Variants in KCNIP1 observed in about 807,000 individuals in gnomAD.
The protein encoded by KCNIP1 is A-type potassium channel modulatory protein KCNIP1.
KCNIP1 carries 18 observed loss-of-function variants against 33.0 expected under a neutral mutation model. That is an observed-to-expected ratio of 0.55 (90% CI 0.38 to 0.81). The LOEUF is 0.81. KCNIP1 is among the 30% of genes least tolerant of loss of function. The pLI, the probability that KCNIP1 is intolerant of heterozygous loss-of-function variation, is 0.00. For synonymous variants in KCNIP1, 93 were observed against 98.3 expected (o/e 0.95, Z 0.32); for missense variants, 238 against 271.6 (o/e 0.88, Z 0.87).
intron 1 of KCNIP1, among the ~76,000 whole-genome samples, chr5:170,548,883 G>A (rs189258993): frequency 5.3e-5 from 8 of 152,224 alleles, no homozygotes; most frequent in African/African-American, 9.6e-5. Flanking sequence ...CCCTGCTTTC[G>A]GAGTCACTGA....
chr5:170,705,057 A>T (rs1763213010), intron 1 of KCNIP1, among the ~76,000 whole-genome samples: 2 of 152,236 alleles, frequency 1.3e-5, no homozygotes, highest in South Asian at 2.1e-4. Flanking sequence ...ATAATGTCTG[A>T]TTTGCTTCTA....
At chr5:170,412,906 C>A (rs1050747969) in intron 1 of KCNIP1, among the ~76,000 whole-genome samples, 2 of 152,154 alleles carry the variant, frequency 1.3e-5, no homozygotes, top group Non-Finnish European at 2.9e-5. Context: ...CACACACCTG[C>A]CGCCCCAGGC....
chr5:170,672,971 A>C (rs886911912), intron 1 of KCNIP1, among the ~76,000 whole-genome samples: 10 of 152,232 alleles, frequency 6.6e-5, no homozygotes, highest in Non-Finnish European at 2.9e-5. Context: ...AATCTATAGA[A>C]TCACCATTTT....
At chr5:170,417,038 TTTAG>T (rs758750784) in intron 1 of KCNIP1, among the ~76,000 whole-genome samples, 28 of 152,352 alleles carry the variant, frequency 1.8e-4, no homozygotes, top group Non-Finnish European at 2.6e-4. Flanking sequence ...GGTATAAATA[TTTAG>T]TTAGAAGGAT....
rs540380568 is a variant in KCNIP1 at position 170,684,414 on chromosome 5, A to T, written c.62-34344A>T. 2.0e-5 allele frequency among the ~76,000 whole-genome samples: 3 copies of T among 152,302 alleles called. No individual in the cohort carries two copies. In the South Asian group the frequency reaches 6.2e-4, roughly 32 times the overall value. The stretch of plus-strand genomic sequence containing the variant: ...GCCTCTTCCAGCTTTTGGTAGCTCC[A>T]GTGTTCTTTGGCTTGTGGCAGCATC... On this transcript the variant is annotated intron_variant, in intron 1 of 7. Coordinates refer to ENST00000328939, the MANE Select transcript of KCNIP1 (RefSeq NM_014592.4).
At chr5:170,518,150 A>T (rs1038218061) in intron 1 of KCNIP1, among the ~76,000 whole-genome samples, 4 of 151,474 alleles carry the variant, frequency 2.6e-5, no homozygotes, top group African/African-American at 4.9e-5. Context: ...AGTAGGGCTG[A>T]TGGTGGTGAC....
chr5:170,415,639 C>G (rs1581170809), intron 1 of KCNIP1, among the ~76,000 whole-genome samples: 1 of 152,324 alleles, frequency 6.6e-6, no homozygotes, highest in Admixed American at 6.5e-5. Context: ...TCCTATCAAC[C>G]CTCCAGGCTC....
chr5:170,630,855 CTG>C (rs1760028043), intron 1 of KCNIP1, among the ~76,000 whole-genome samples: 1 of 152,178 alleles, frequency 6.6e-6, no homozygotes, highest in Non-Finnish European at 1.5e-5. Context: ...GGTCCAGAAA[CTG>C]AGGCTCAGAG....
intron 1 of KCNIP1, among the ~76,000 whole-genome samples, chr5:170,367,835 C>G (rs145537344): frequency 0.012 from 1,793 of 152,322 alleles, 25 homozygotes; most frequent in Non-Finnish European, 0.014. Context: ...CCCATCTAAC[C>G]CATTGACCCA....
intron 1 of KCNIP1, among the ~76,000 whole-genome samples, chr5:170,534,822 C>T (rs909088011): frequency 4.8e-5 from 7 of 146,846 alleles, no homozygotes; most frequent in Non-Finnish European, 8.9e-5. Flanking sequence ...ATACCATGCC[C>T]GGCATAGATT....
rs149683314 is a variant in KCNIP1, at chr5:170,553,068, G to A, written c.61+48435G>A. Among the ~76,000 whole-genome samples the A allele has an allele frequency of 4.9e-4, 75 of 152,334 alleles. No individual in the cohort carries two copies. In the East Asian group the frequency reaches 7.0e-3, roughly 14 times the overall value. The stretch of plus-strand genomic sequence containing the variant: ...AGGCTTCAGCAGCAAGCTGCGGCCC[G>A]TGCCTGGGGGAGAGAGGAGGGGAAA... On this transcript the variant is annotated intron_variant, in intron 1 of 7. Coordinates refer to ENST00000328939, the MANE Select transcript of KCNIP1 (RefSeq NM_014592.4).
chr5:170,505,049 C>A (rs1754660137), intron 1 of KCNIP1, among the ~76,000 whole-genome samples: 1 of 152,192 alleles, frequency 6.6e-6, no homozygotes, highest in South Asian at 2.1e-4. Flanking sequence ...GGCGGCTATG[C>A]CAGGTGCAGA....
intron 1 of KCNIP1, among the ~76,000 whole-genome samples, chr5:170,431,942 G>A (rs1483272436): frequency 6.6e-6 from 1 of 152,128 alleles, no homozygotes; most frequent in African/African-American, 2.4e-5. Flanking sequence ...GCTCAGGCCT[G>A]AGGGGTTGCT....
chr5:170,475,569 G>T (rs1343793702), intron 1 of KCNIP1, among the ~76,000 whole-genome samples: 1 of 152,126 alleles, frequency 6.6e-6, no homozygotes, highest in Non-Finnish European at 1.5e-5. Flanking sequence ...GGGAAATAGA[G>T]GAGATAAAAA....
intron 1 of KCNIP1, among the ~76,000 whole-genome samples, chr5:170,475,727 A>C (rs1036508598): frequency 6.6e-6 from 1 of 152,050 alleles, no homozygotes; most frequent in African/African-American, 2.4e-5. Context: ...GCCAAAACAG[A>C]CTGATTATCT....
At chr5:170,457,956 G>A (rs1382112617) in intron 1 of KCNIP1, among the ~76,000 whole-genome samples, 1 of 152,096 alleles carries the variant, frequency 6.6e-6, no homozygotes, top group Non-Finnish European at 1.5e-5. Flanking sequence ...TGATACAACA[G>A]GTGAAGGGAG....
intron 1 of KCNIP1, among the ~76,000 whole-genome samples, chr5:170,518,075 G>T (rs1178966871): frequency 6.6e-6 from 1 of 151,986 alleles, no homozygotes; most frequent in African/African-American, 2.4e-5. Flanking sequence ...GATAGTGATG[G>T]TGGTGGTGTG....
At chr5:170,725,021 A>G (rs896866471) in intron 5 of KCNIP1, among the ~76,000 whole-genome samples, 1 of 152,206 alleles carries the variant, frequency 6.6e-6, no homozygotes, top group African/African-American at 2.4e-5. Flanking sequence ...TGAAGGACTA[A>G]ACCTACCTTA....
chr5:170,683,621 C>G (rs1350287012), intron 1 of KCNIP1, among the ~76,000 whole-genome samples: 2 of 152,120 alleles, frequency 1.3e-5, no homozygotes, highest in African/African-American at 4.8e-5. Context: ...TACACCAGGA[C>G]CAATGTAATG....
Sources: gnomAD v4.1 joint callset for allele counts (sites outside exome capture counted in the v4.1 genomes callset) on GRCh38, gnomAD v4.1.1 for gene constraint, MANE v1.5 for transcripts, NCBI Gene and HGNC (gene_info 2026-07-23, HGNC 2026-07-21) for gene names.